MINDY4: variants seen among roughly 807,000 people sequenced by gnomAD.
MINDY4 encodes the protein probable ubiquitin carboxyl-terminal hydrolase MINDY-4.
In MINDY4, 68 loss-of-function variants were observed where a neutral mutation model predicts 87.0. The ratio of observed to expected loss-of-function variants is 0.78; its 90% CI spans 0.64 to 0.96. The LOEUF (loss-of-function observed/expected upper bound fraction) is 0.96, where lower values mean the gene tolerates loss of function less well. MINDY4 is among the 40% of genes least tolerant of loss of function. The pLI is 0.00. For synonymous variants in MINDY4, 379 were observed against 363.2 expected, an observed-to-expected ratio of 1.04 and a Z score of -0.50; for missense variants, 919 against 928.2, an observed-to-expected ratio of 0.99 and a Z score of 0.13.
intron 10 of MINDY4, among the ~76,000 whole-genome samples, chr7:30,851,999 C>CTT (rs368538211): frequency 0.041 from 6,210 of 150,130 alleles, 152 homozygotes; most frequent in Middle Eastern, 0.093. Context: ...TTTTCCATTT[C>CTT]TTTTTTTTTT....
chr7:30,850,525 CAGGGGGCCGAG>C lies in MINDY4; in HGVS notation c.1520_1530del (p.Gly507GlufsTer37), dbSNP rs781436347. ...GCCCTCGCAGACATTGTGTGGCGGG[CAGGGGGCCGAG>C]AGAGAGCCGTTGTTGCACTGTAAGT... On this transcript the variant is annotated frameshift_variant, in exon 10 of 18. Transcript: ENST00000265299. LOFTEE classifies it high-confidence loss of function. 4 of 1,609,104 alleles carry C rather than the reference CAGGGGGCCGAG, an allele frequency of 2.5e-6. No homozygotes were observed. The East Asian group carries it at 8.9e-5, about 36-fold the overall frequency.
chr7:30,862,494 G>C (rs1789796116), intron 13 of MINDY4, among the ~76,000 whole-genome samples: 1 of 152,216 alleles, frequency 6.6e-6, no homozygotes, highest in African/African-American at 2.4e-5. Context: ...TCCAGCCTTG[G>C]CTCTCTGAGG....
chr7:30,852,770 A>G (rs1316047968), intron 11 of MINDY4, among the ~76,000 whole-genome samples: 2 of 152,254 alleles, frequency 1.3e-5, no homozygotes, highest in East Asian at 3.8e-4. Context: ...TTTGTAAAAT[A>G]TAAGAGCAGT....
chr7:30,774,971 C>A (rs1270698906), intron 1 of MINDY4, among the ~76,000 whole-genome samples: 1 of 152,120 alleles, frequency 6.6e-6, no homozygotes, highest in Non-Finnish European at 1.5e-5. Flanking sequence ...TCTCCTTGAA[C>A]TCTTGAATTC....
chr7:30,851,267 A>C (rs1789405202), intron 10 of MINDY4, among the ~76,000 whole-genome samples: 1 of 151,718 alleles, frequency 6.6e-6, no homozygotes, highest in East Asian at 1.9e-4. Flanking sequence ...CAGAGAAAGG[A>C]CTCTTAGGTC....
At chr7:30,795,120 G>A (rs11773867) in intron 5 of MINDY4, among the ~76,000 whole-genome samples, 39,903 of 152,094 alleles carry the variant, frequency 0.26, 5,762 homozygotes, top group Non-Finnish European at 0.32. Flanking sequence ...GTGCTGGCCT[G>A]TCATTTGTCT....
chr7:30,841,122 C>G (rs1308012601), intron 9 of MINDY4, among the ~76,000 whole-genome samples: 11 of 152,168 alleles, frequency 7.2e-5, no homozygotes, highest in Admixed American at 7.2e-4. Context: ...TTTCCCTCCT[C>G]AGACGGCAAG....
intron 16 of MINDY4, 84 bp downstream of exon 16, chr7:30,882,445 C>A: frequency 8.6e-7 from 1 of 1,163,520 alleles, no homozygotes; most frequent in Non-Finnish European, 1.2e-6. Flanking sequence ...TTCCTATCCA[C>A]CACCAACCCC....
intron 6 of MINDY4, among the ~76,000 whole-genome samples, chr7:30,836,450 G>C (rs1291739287): frequency 2.0e-5 from 3 of 152,254 alleles, no homozygotes; most frequent in African/African-American, 7.2e-5. Flanking sequence ...TTGTGACAAG[G>C]AGCATGGACT....
intron 17 of MINDY4, among the ~76,000 whole-genome samples, chr7:30,884,584 G>A (rs867015304): frequency 5.3e-5 from 8 of 152,320 alleles, no homozygotes; most frequent in South Asian, 4.1e-4. Context: ...GGACACAGCC[G>A]CAGCTTGCCT....
chr7:30,805,772 A>G (rs561500818), intron 5 of MINDY4, among the ~76,000 whole-genome samples: 3 of 152,214 alleles, frequency 2.0e-5, no homozygotes, highest in Admixed American at 2.0e-4. Flanking sequence ...GCCTTTGTGA[A>G]AGAAGTTTAG....
Position 30,777,852 on chromosome 7 carries a change from T to C in MINDY4, c.64-580T>C, listed in dbSNP as rs114851856. ...ACCCTCACTTCGCCAACCCCAGATTTTCCATTGCTAGAGCATGTCTCAGCT... is the reference window on the plus strand; with the variant it reads ...ACCCTCACTTCGCCAACCCCAGATTCTCCATTGCTAGAGCATGTCTCAGCT... On this transcript the variant is annotated intron_variant, in intron 1 of 17. Coordinates refer to ENST00000265299, the MANE Select transcript of MINDY4 (RefSeq NM_032222.3). 6.9e-3 allele frequency among the ~76,000 whole-genome samples: 1,057 copies of C among 152,324 alleles called. 17 individuals carry two copies. The highest frequency in any genetic ancestry group is 0.023 in the African/African-American group (941 of 41,570).
chr7:30,880,490 G>A (rs1790430211), intron 15 of MINDY4, among the ~76,000 whole-genome samples: 1 of 152,158 alleles, frequency 6.6e-6, no homozygotes, highest in Non-Finnish European at 1.5e-5. Flanking sequence ...TGCATGGCAA[G>A]CTGCACTTTT....
chr7:30,849,894 T>C (rs1475087974), intron 9 of MINDY4, among the ~76,000 whole-genome samples: 1 of 152,202 alleles, frequency 6.6e-6, no homozygotes, highest in Non-Finnish European at 1.5e-5. Context: ...ATGTGCCCAC[T>C]CAAAACACAG....
At chr7:30,871,483 T>G (rs1210747715) in intron 13 of MINDY4, among the ~76,000 whole-genome samples, 1 of 152,226 alleles carries the variant, frequency 6.6e-6, no homozygotes, top group African/African-American at 2.4e-5. Context: ...GGGAGGGTTT[T>G]CTGCCTCACG....
intron 2 of MINDY4, chr7:30,780,326 C>T (rs1169104576): frequency 2.0e-5 from 3 of 152,188 alleles, no homozygotes; most frequent in East Asian, 1.9e-4. Flanking sequence ...ATTCAGTTAA[C>T]CATTCTGGTT....
chr7:30,784,791 G>C (rs944262679), intron 3 of MINDY4, among the ~76,000 whole-genome samples: 1 of 152,076 alleles, frequency 6.6e-6, no homozygotes, highest in African/African-American at 2.4e-5. Flanking sequence ...CACAAGGCTG[G>C]TTCCAGCCTC....
intron 5 of MINDY4, among the ~76,000 whole-genome samples, chr7:30,824,198 TG>T (rs1788427973): frequency 6.6e-6 from 1 of 152,182 alleles, no homozygotes; most frequent in Non-Finnish European, 1.5e-5. Context: ...TTCTTGCTAG[TG>T]GGGGCTCTCT....
At chr7:30,822,906 A>G (rs1788386689) in intron 5 of MINDY4, among the ~76,000 whole-genome samples, 2 of 152,026 alleles carry the variant, frequency 1.3e-5, no homozygotes, top group African/African-American at 4.8e-5. Flanking sequence ...GGCCTCCCAA[A>G]GGGCTGAGAT....
Sources: gnomAD v4.1 joint callset for allele counts (sites outside exome capture counted in the v4.1 genomes callset) on GRCh38, gnomAD v4.1.1 for gene constraint, MANE v1.5 for transcripts, NCBI Gene and HGNC (gene_info 2026-07-23, HGNC 2026-07-21) for gene names.